Variants in DNAH8 observed in about 807,000 individuals in gnomAD.
DNAH8 encodes dynein axonemal heavy chain 8, also known as axonemal beta dynein heavy chain 8.
A neutral mutation model predicts 562.1 loss-of-function variants in DNAH8; 382 were observed. That is an observed-to-expected ratio of 0.68 (90% CI 0.63 to 0.74). The LOEUF is 0.74. Ranked by LOEUF, DNAH8 falls within the 30% of genes least tolerant of loss-of-function variation. The pLI is 0.00. For missense variants in DNAH8, 5,203 were observed against 5,620.4 expected (o/e 0.93, Z 2.37); for synonymous variants, 1,881 against 1,919.4 (o/e 0.98, Z 0.52).
At chr6:38,735,016 A>T (rs573477790) in intron 5 of DNAH8, among the ~76,000 whole-genome samples, 11 of 152,308 alleles carry the variant, frequency 7.2e-5, no homozygotes, top group African/African-American at 2.4e-4. Flanking sequence ...AGGCAGGATG[A>T]TGGAATGGGA....
chr6:38,811,818 T>C (rs953634333), intron 24 of DNAH8, among the ~76,000 whole-genome samples: 1 of 152,192 alleles, frequency 6.6e-6, no homozygotes, highest in African/African-American at 2.4e-5. Flanking sequence ...TCCCTATCTA[T>C]GAGTTTCACT....
At chr6:38,860,749 CA>C in intron 43 of DNAH8, 120 bp downstream of exon 43, 1 of 604,528 alleles carries the variant, frequency 1.7e-6, no homozygotes, top group Non-Finnish European at 2.6e-6. Flanking sequence ...GATGCTAGCT[CA>C]TTAAAGTCAG....
intron 88 of DNAH8, among the ~76,000 whole-genome samples, chr6:39,002,401 C>T (rs1765548184): frequency 6.6e-6 from 1 of 152,132 alleles, no homozygotes; most frequent in Admixed American, 6.5e-5. Context: ...TTGTTGACTT[C>T]ATTTTGTTGT....
chr6:38,800,578 G>A (rs1405230994), intron 21 of DNAH8, among the ~76,000 whole-genome samples: 2 of 152,064 alleles, frequency 1.3e-5, no homozygotes, highest in African/African-American at 4.8e-5. Context: ...GTGCAGTGGC[G>A]CCATCTTGGC....
intron 4 of DNAH8, among the ~76,000 whole-genome samples, chr6:38,733,914 A>G (rs1277284293): frequency 6.6e-6 from 1 of 150,544 alleles, no homozygotes; most frequent in African/African-American, 2.5e-5. Flanking sequence ...AAAAGACTCC[A>G]TCTAAAAAGA....
At chr6:38,894,063 C>T (rs533606741) in intron 58 of DNAH8, among the ~76,000 whole-genome samples, 1 of 152,228 alleles carries the variant, frequency 6.6e-6, no homozygotes, top group South Asian at 2.1e-4. Flanking sequence ...TGTGCTCAAA[C>T]AGAAAAAACA....
intron 10 of DNAH8, among the ~76,000 whole-genome samples, chr6:38,758,390 C>G (rs1183345681): frequency 2.6e-5 from 4 of 151,820 alleles, no homozygotes; most frequent in African/African-American, 9.7e-5. Flanking sequence ...TATCCTGAGA[C>G]TTTGCTGAAG....
chr6:38,797,053 G>T lies in DNAH8; in HGVS notation c.2901+5379G>T, dbSNP rs546307888. On this transcript the variant is annotated intron_variant, in intron 21 of 92. Transcript: ENST00000327475. The stretch of plus-strand genomic sequence containing the variant: ...AAATCAAGGAAATGTTATGATCCAA[G>T]TTAAACACTGTTAAATAATTAATGA... Among the ~76,000 whole-genome samples, 22 of 152,348 alleles carry T rather than the reference G, an allele frequency of 1.4e-4. No individual in the cohort carries two copies. In the East Asian group the frequency reaches 4.0e-3, roughly 28 times the overall value.
intron 88 of DNAH8, among the ~76,000 whole-genome samples, chr6:39,002,007 TG>T (rs1159096861): frequency 6.6e-6 from 1 of 152,146 alleles, no homozygotes; most frequent in East Asian, 1.9e-4. Flanking sequence ...GGTTCTCAGT[TG>T]GGCAACTGGG....
intron 3 of DNAH8, among the ~76,000 whole-genome samples, chr6:38,725,805 C>A (rs7761815): frequency 4.6e-5 from 7 of 152,016 alleles, no homozygotes; most frequent in South Asian, 2.1e-4. Context: ...TAAATGTCTC[C>A]CATTTTCATT....
At position 38,770,451 on chromosome 6, in the gene DNAH8, TC is replaced by T; in HGVS notation, c.1657del (p.His553IlefsTer6). 2 of 1,605,492 alleles carry T rather than the reference TC, an allele frequency of 1.2e-6. No homozygotes were observed. Among genetic ancestry groups the T allele is most frequent in the Non-Finnish European group, 1.7e-6 (2 of 1,174,644 alleles). On this transcript the variant is annotated frameshift_variant, in exon 12 of 93. Coordinates refer to ENST00000327475, the MANE Select transcript of DNAH8 (RefSeq NM_001206927.2). LOFTEE classifies it high-confidence loss of function. ...FLFKEYQASF[H>X]KTRKLISESS... ...TATTCAAGGAATATCAGGCATCTTTTCATAAAACAAGGAAACTGATTTCAGA... is the reference window on the plus strand; with the variant it reads ...TATTCAAGGAATATCAGGCATCTTTTATAAAACAAGGAAACTGATTTCAGA...
chr6:38,757,082 T>C (rs1419731184), intron 10 of DNAH8, among the ~76,000 whole-genome samples: 1 of 152,202 alleles, frequency 6.6e-6, no homozygotes, highest in Non-Finnish European at 1.5e-5. Flanking sequence ...TCTAGATCCC[T>C]GAGGAATCGC....
At chr6:39,016,992 C>T (rs1391788538) in intron 91 of DNAH8, among the ~76,000 whole-genome samples, 1 of 152,228 alleles carries the variant, frequency 6.6e-6, no homozygotes, top group African/African-American at 2.4e-5. Flanking sequence ...CAGCACCCCT[C>T]ACAATCATTT....
At chr6:38,867,616 G>A (rs1163592251) in intron 47 of DNAH8, among the ~76,000 whole-genome samples, 2 of 151,498 alleles carry the variant, frequency 1.3e-5, no homozygotes, top group Non-Finnish European at 2.9e-5. Context: ...AGCCAGGCGT[G>A]GTGGCACGCG....
intron 82 of DNAH8, among the ~76,000 whole-genome samples, chr6:38,960,670 A>G (rs1044496265): frequency 2.6e-5 from 4 of 152,020 alleles, no homozygotes; most frequent in Non-Finnish European, 5.9e-5. Flanking sequence ...CAGTATTGGT[A>G]GAAATGTAAA....
At chr6:38,739,988 A>T (rs114026081) in intron 7 of DNAH8, among the ~76,000 whole-genome samples, 2 of 152,106 alleles carry the variant, frequency 1.3e-5, no homozygotes, top group African/African-American at 4.8e-5. Context: ...TTAATAGTCC[A>T]TTTTTTTCTA....
At chr6:38,756,516 A>G (rs1765920789) in intron 10 of DNAH8, among the ~76,000 whole-genome samples, 1 of 151,532 alleles carries the variant, frequency 6.6e-6, no homozygotes, top group Non-Finnish European at 1.5e-5. Context: ...TTGCTAGCCA[A>G]TGTCATTCTT....
intron 48 of DNAH8, among the ~76,000 whole-genome samples, chr6:38,869,102 A>C (rs1018420): frequency 0.16 from 25,010 of 152,238 alleles, 2,738 homozygotes; most frequent in Non-Finnish European, 0.23. Context: ...AGGAAGCTAC[A>C]TTCTAGTTAC....
chr6:38,902,418 A>G (rs1388099469), intron 62 of DNAH8, among the ~76,000 whole-genome samples: 2 of 152,164 alleles, frequency 1.3e-5, no homozygotes, highest in African/African-American at 4.8e-5. Flanking sequence ...TCAACAAGGG[A>G]CCACTCCTAT....
Sources: gnomAD v4.1 joint callset for allele counts (sites outside exome capture counted in the v4.1 genomes callset) on GRCh38, gnomAD v4.1.1 for gene constraint, MANE v1.5 for transcripts, NCBI Gene and HGNC (gene_info 2026-07-23, HGNC 2026-07-21) for gene names.